The following NRIP1 variants were observed in gnomAD, a reference collection of about 807,000 sequenced individuals.
The protein encoded by NRIP1 is nuclear receptor interacting protein 1, also known as nuclear receptor-interacting protein 1.
A neutral mutation model predicts 75.0 loss-of-function variants in NRIP1; 28 were observed. The observed-to-expected ratio is 0.37, with a 90% confidence interval of 0.28 to 0.51. NRIP1 has a LOEUF of 0.51. Among genes scored for constraint, NRIP1 ranks in the 20% least tolerant of loss-of-function variants. The pLI, the probability that NRIP1 is intolerant of heterozygous loss-of-function variation, is 0.92. For missense variants in NRIP1, 1,435 were observed against 1,343.7 expected (o/e 1.07, Z -1.06); for synonymous variants, 526 against 487.6 (o/e 1.08, Z -1.04).
At chr21:14,982,058 C>T (rs1026828079) in intron 3 of NRIP1, among the ~76,000 whole-genome samples, 2 of 152,018 alleles carry the variant, frequency 1.3e-5, no homozygotes, top group African/African-American at 4.8e-5. Context: ...CCATATTGCC[C>T]AGGGTGGTCT....
intron 3 of NRIP1, among the ~76,000 whole-genome samples, chr21:15,001,959 G>A (rs909223865): frequency 3.9e-5 from 6 of 152,036 alleles, no homozygotes; most frequent in African/African-American, 1.4e-4. Flanking sequence ...TTATCAATCA[G>A]GTTATGTTCC....
chr21:15,007,926 A>C (rs1349996730), intron 3 of NRIP1, among the ~76,000 whole-genome samples: 3 of 152,186 alleles, frequency 2.0e-5, no homozygotes, highest in Non-Finnish European at 2.9e-5. Flanking sequence ...CACACAATAA[A>C]AACACTACGA....
chr21:14,965,141 A>C lies in NRIP1; in HGVS notation c.3052T>G (p.Leu1018Val), dbSNP rs751436045. The change falls in exon 4 of 4, where the codon TTG (leucine) becomes GTG (valine). Residue 1018 changes from leucine to valine, a missense_variant. Transcript: ENST00000318948. ...TCTGGTCTAGACCCTGCACAGCCCA[A>C]GTGCTCAGGGAAAGTAGGACTCACA... ...TPVSPTFPEHLGCAGSRPESG... is the reference protein window; with the variant it reads ...TPVSPTFPEHVGCAGSRPESG... 4 of 1,613,080 alleles carry C rather than the reference A, an allele frequency of 2.5e-6. No homozygotes were observed. The highest frequency in any genetic ancestry group is 2.2e-5 in the South Asian group (2 of 91,078).
Position 14,964,832 on chromosome 21 carries a change from A to T in NRIP1, c.3361T>A (p.Leu1121Ile). Residue 1121 changes from leucine (L) to isoleucine (I), a missense_variant, in exon 4 of 4, where the codon TTA becomes ATA. Leu to Ile is a conservative substitution (Grantham distance 5). Transcript: ENST00000318948. ...TAETKASFFN[L>I]RSPYNSHMGN... ...ATATGGCTATTGTAAGGGCTTCTTA[A>T]ATTAAAGAAAGAAGCTTTCGTTTCT... is the stretch of plus-strand genomic sequence containing the variant. The T allele has an allele frequency of 6.2e-7, 1 of 1,613,514 alleles. No individual in the cohort carries two copies. The highest frequency in any genetic ancestry group is 8.5e-7 in the Non-Finnish European group (1 of 1,179,724).
Position 14,967,002 on chromosome 21 carries a change from A to C in NRIP1, c.1191T>G (p.Ser397Arg). The C allele has an allele frequency of 6.2e-7, 1 of 1,614,172 alleles. No homozygotes were observed. The highest frequency in any genetic ancestry group is 8.5e-7 in the Non-Finnish European group (1 of 1,180,014). ...CAAAAATGCTTCCTCTCTCACTGTG[A>C]CTGTGTCCATTCATTGGCTTAGGTA... ...QTIPKPMNGHSHSERGSIFEE... is the reference protein window; with the variant it reads ...QTIPKPMNGHRHSERGSIFEE... The change falls in exon 4 of 4, where the codon AGT (serine) becomes AGG (arginine). Residue 397 changes from serine to arginine, a missense_variant. Ser to Arg is a moderately radical substitution (Grantham distance 110, BLOSUM62 -1). Coordinates refer to ENST00000318948, the MANE Select transcript of NRIP1 (RefSeq NM_003489.4).
At chr21:15,057,997 A>G (rs1242162266) in intron 1 of NRIP1, among the ~76,000 whole-genome samples, 1 of 152,214 alleles carries the variant, frequency 6.6e-6, no homozygotes, top group African/African-American at 2.4e-5. Context: ...GTTTCTACCC[A>G]ATCATCTCTT....
chr21:14,992,846 T>C (rs916780159), intron 3 of NRIP1: 4 of 152,278 alleles, frequency 2.6e-5, no homozygotes, highest in Admixed American at 1.3e-4. Flanking sequence ...GAGTCCTGCA[T>C]AACTAGCAAA....
At chr21:14,973,131 A>G (rs2086949419) in intron 3 of NRIP1, among the ~76,000 whole-genome samples, 1 of 152,230 alleles carries the variant, frequency 6.6e-6, no homozygotes, top group Non-Finnish European at 1.5e-5. Context: ...GCATCACAGT[A>G]AGGGAGAGAC....
intron 3 of NRIP1, among the ~76,000 whole-genome samples, chr21:14,986,972 G>A (rs535046494): frequency 8.5e-5 from 13 of 152,130 alleles, no homozygotes; most frequent in Non-Finnish European, 1.5e-4. Context: ...TTAAAGGTTG[G>A]GAGGCAGTTG....
intron 3 of NRIP1, among the ~76,000 whole-genome samples, chr21:14,990,137 A>T (rs2087528807): frequency 6.6e-6 from 1 of 152,142 alleles, no homozygotes. Flanking sequence ...TTCTAGCGCC[A>T]CTAGCCTAAG....
Position 14,965,295 on chromosome 21 carries a change from T to C in NRIP1, c.2898A>G (p.Lys966=). Residue 966 remains lysine (K), a synonymous_variant, in exon 4 of 4, where the codon AAA becomes AAG. Transcript: ENST00000318948. ...SVADSKKKGH[K]NNVTNSKPEF... ...CAGGTTTGCTGTTGGTCACATTATT[T>C]TTGTGTCCTTTCTTTTTACTGTCAG... is the stretch of plus-strand genomic sequence containing the variant. 1 of 1,614,028 alleles carries C rather than the reference T, an allele frequency of 6.2e-7. No individual in the cohort carries two copies. Among genetic ancestry groups the C allele is most frequent in the South Asian group, 1.1e-5 (1 of 91,086 alleles).
In NRIP1 at chr21:15,002,731, C is replaced by T. The variant is rs1305794729; in HGVS notation, c.-335+11613G>A. Among the ~76,000 whole-genome samples the T allele has an allele frequency of 3.3e-5, 5 of 152,250 alleles. No homozygotes were observed. In the East Asian group the frequency reaches 9.6e-4, roughly 29 times the overall value. The stretch of plus-strand genomic sequence containing the variant: ...AAACTAGGCATTTTTCTTAATTGTA[C>T]TATCCAGCGCAGTTTTACATGAATT... On this transcript the variant is annotated intron_variant, in intron 3 of 3. Coordinates refer to ENST00000318948, the MANE Select transcript of NRIP1 (RefSeq NM_003489.4).
chr21:15,030,909 T>G (rs2088644773), intron 2 of NRIP1, among the ~76,000 whole-genome samples: 2 of 132,214 alleles, frequency 1.5e-5, no homozygotes, highest in South Asian at 2.5e-4. Flanking sequence ...GATCACCACA[T>G]TCCCTTTCTA....
At chr21:15,045,955 A>G (rs931455447) in intron 1 of NRIP1, among the ~76,000 whole-genome samples, 2 of 152,140 alleles carry the variant, frequency 1.3e-5, no homozygotes, top group African/African-American at 4.8e-5. Flanking sequence ...TTCAGGCTCC[A>G]CTTCTAATTC....
At chr21:15,006,863 A>T (rs2087985757) in intron 3 of NRIP1, among the ~76,000 whole-genome samples, 1 of 152,216 alleles carries the variant, frequency 6.6e-6, no homozygotes, top group Non-Finnish European at 1.5e-5. Context: ...TGCTAAATGC[A>T]ATGACTGAAA....
At chr21:14,972,334 T>C (rs1284339873) in intron 3 of NRIP1, among the ~76,000 whole-genome samples, 1 of 152,092 alleles carries the variant, frequency 6.6e-6, no homozygotes, top group African/African-American at 2.4e-5. Context: ...AATTGAGAAA[T>C]ATAGCAAAAA....
intron 1 of NRIP1, among the ~76,000 whole-genome samples, chr21:15,044,370 T>C (rs968885346): frequency 6.6e-6 from 1 of 150,992 alleles, no homozygotes; most frequent in Non-Finnish European, 1.5e-5. Flanking sequence ...GTTCATACTT[T>C]CAGGAACAAA....
chr21:15,023,667 C>A (rs1487196879), intron 2 of NRIP1, among the ~76,000 whole-genome samples: 2 of 152,086 alleles, frequency 1.3e-5, no homozygotes, highest in African/African-American at 2.4e-5. Context: ...TAATGCAATG[C>A]CTATCAAAAT....
chr21:14,987,725 C>T (rs1484990301), intron 3 of NRIP1, among the ~76,000 whole-genome samples: 1 of 152,148 alleles, frequency 6.6e-6, no homozygotes, highest in Non-Finnish European at 1.5e-5. Flanking sequence ...ATCACAGGTG[C>T]TTTAAGCCAT....
Sources: allele counts gnomAD v4.1 joint callset (sites outside exome capture counted in the v4.1 genomes callset), GRCh38; gene constraint gnomAD v4.1.1; transcripts MANE v1.5; gene names NCBI Gene and HGNC (gene_info 2026-07-23, HGNC 2026-07-21).